Variants in SARS1 observed in about 807,000 individuals in gnomAD.
SARS1 encodes serine--tRNA ligase, cytoplasmic.
In SARS1, 25 loss-of-function variants were observed where a neutral mutation model predicts 63.7. That is an observed-to-expected ratio of 0.39 (90% CI 0.29 to 0.55). The LOEUF is 0.55. Ranked by LOEUF, SARS1 falls within the 20% of genes least tolerant of loss-of-function variation. The probability of loss-of-function intolerance (pLI) is 0.62; values close to 1 mark genes in which losing one functional copy is unlikely to be tolerated. For missense variants in SARS1, 417 were observed against 649.7 expected, an observed-to-expected ratio of 0.64 and a Z score of 3.89; for synonymous variants, 231 against 243.5, an observed-to-expected ratio of 0.95 and a Z score of 0.48.
intron 4 of SARS1, among the ~76,000 whole-genome samples, 183 bp from the exon 5 acceptor site, chr1:109,230,695 C>A (rs1241393890): frequency 6.6e-6 from 1 of 151,966 alleles, no homozygotes; most frequent in East Asian, 1.9e-4. Flanking sequence ...TCTGTAGTCC[C>A]AGCTGAGGCT....
chr1:109,226,713 CACACACACACACACAT>C (rs1557716974), intron 2 of SARS1, among the ~76,000 whole-genome samples: 1 of 50,888 alleles, frequency 2.0e-5, no homozygotes, highest in African/African-American at 5.5e-5. Flanking sequence ...CACACACACA[CACACACACACACACAT>C]ATATATATAT....
In SARS1 at chr1:109,214,932, C is replaced by T; in HGVS notation, c.136+804C>T. On this transcript the variant is annotated intron_variant, in intron 1 of 10. Transcript: ENST00000234677. The surrounding 1 kb of genome is among the most constrained non-coding windows in gnomAD (Gnocchi z 4.6). ...AGAACCATCTGCCCATAAATCTCTGCCTGTATTAACTGGAGTGGTCGCTGG... is the reference window on the plus strand; with the variant it reads ...AGAACCATCTGCCCATAAATCTCTGTCTGTATTAACTGGAGTGGTCGCTGG... The T allele has an allele frequency of 2.0e-6, 2 of 985,374 alleles. No individual in the cohort carries two copies. The highest frequency in any genetic ancestry group is 1.1e-4 in the East Asian group (1 of 8,818). The allele number at this position is 985,374 out of a possible 1,614,324, so 61.0% of individuals were successfully genotyped here.
intron 1 of SARS1, chr1:109,215,699 CTTTGT>C (rs761867538): frequency 3.5e-5 from 33 of 936,488 alleles, no homozygotes; most frequent in Middle Eastern, 5.5e-4. Flanking sequence ...CATTTCTTTT[CTTTGT>C]TTTGTTTTGT....
At position 109,237,992 on chromosome 1, in the gene SARS1, C is replaced by T. The variant is rs753387517; in HGVS notation, c.*104C>T. ...AAGCACCCATTCATCCCCCTGCCCC[C>T]ATCTGACTGCGTAGCTGAGAGGGGA... On this transcript the variant is annotated 3_prime_UTR_variant, in exon 11 of 11. Transcript: ENST00000234677. This position sits in a 1 kb window ranked among gnomAD's most constrained non-coding sequence, Gnocchi z 4.1. 5 of 1,286,792 alleles carry T rather than the reference C, an allele frequency of 3.9e-6. No individual in the cohort carries two copies. The highest frequency in any genetic ancestry group is 5.4e-6 in the Non-Finnish European group (5 of 920,694). The allele number at this position is 1,286,792 out of a possible 1,614,324, so 79.7% of individuals were successfully genotyped here. A position where few individuals can be genotyped will look rare whatever the true frequency, so the allele number is the denominator to read the frequency against.
At chr1:109,230,672 T>G (rs1019895092) in intron 4 of SARS1, among the ~76,000 whole-genome samples, 1 of 152,048 alleles carries the variant, frequency 6.6e-6, no homozygotes, top group African/African-American at 2.4e-5. Flanking sequence ...CCGAGCATAG[T>G]GTTGCACACC....
At position 109,224,003 on chromosome 1, in the gene SARS1, C is replaced by G. The variant is rs763283025; in HGVS notation, c.162C>G (p.Asn54Lys). The change falls in exon 2 of 11, where the codon AAC becomes AAG. Residue 54 changes from asparagine to lysine, a missense_variant. Coordinates refer to ENST00000234677, the MANE Select transcript of SARS1 (RefSeq NM_006513.4). ...GTAGATTTCGGGCAGACAACTTGAA[C>G]AAGCTGAAGAACCTATGCAGCAAGA... ...RRCRFRADNL[N>K]KLKNLCSKTI... The G allele has an allele frequency of 1.9e-6, 3 of 1,613,546 alleles. No homozygotes were observed. The highest frequency in any genetic ancestry group is 2.2e-5 in the East Asian group (1 of 44,854).
chr1:109,233,723 G>A (rs1469842541), intron 6 of SARS1, among the ~76,000 whole-genome samples: 2 of 151,522 alleles, frequency 1.3e-5, no homozygotes, highest in East Asian at 1.9e-4. Flanking sequence ...TTGAGACAGA[G>A]TCTCACTCTG....
chr1:109,232,853 G>C (rs931554177), intron 6 of SARS1, among the ~76,000 whole-genome samples: 1 of 152,184 alleles, frequency 6.6e-6, no homozygotes, highest in African/African-American at 2.4e-5. Flanking sequence ...AACCTATGTG[G>C]AGTATTATGG....
intron 1 of SARS1, among the ~76,000 whole-genome samples, chr1:109,219,263 ATATATATATATATATATATATATATAGTG>A (rs1472320694): frequency 1.1e-3 from 6 of 5,526 alleles, no homozygotes; most frequent in African/African-American, 5.0e-3. Context: ...AAGACTCTCC[ATATATATATATATATATATATATATAGTG>A]TACATATACA....
chr1:109,229,615 C>A, intron 4 of SARS1, 43 bp downstream of exon 4: 3 of 1,591,300 alleles, frequency 1.9e-6, no homozygotes, highest in South Asian at 2.2e-5. Context: ...TAGGTCGCTG[C>A]TGTCTCTGCA....
rs1425074490 is a variant in SARS1 at position 109,214,263 on chromosome 1, C to A, written c.136+135C>A. 3 of 1,081,634 alleles carry A rather than the reference C, an allele frequency of 2.8e-6. No individual in the cohort carries two copies. Among genetic ancestry groups the A allele is most frequent in the Admixed American group, 3.0e-5 (1 of 33,410 alleles). 67.0% of individuals were successfully genotyped at this position (1,081,634 alleles called of 1,614,324 possible). On this transcript the variant is annotated intron_variant, in intron 1 of 10. Transcript: ENST00000234677. The surrounding 1 kb of genome is among the most constrained non-coding windows in gnomAD (Gnocchi z 4.6). ...CCCAGGGTGCGGTGGCTCCGAGGTTCTCCCCATCCCCGAAAACACAGCCTG... is the reference window on the plus strand; with the variant it reads ...CCCAGGGTGCGGTGGCTCCGAGGTTATCCCCATCCCCGAAAACACAGCCTG...
chr1:109,218,986 G>C (rs1654857585), intron 1 of SARS1, among the ~76,000 whole-genome samples: 1 of 151,742 alleles, frequency 6.6e-6, no homozygotes, highest in African/African-American at 2.4e-5. Flanking sequence ...AGACATTTAG[G>C]CCGGGCGTGG....
At position 109,235,304 on chromosome 1, in the gene SARS1, G is replaced by A. The variant is rs773453298; in HGVS notation, c.842G>A (p.Arg281Gln). 16 of 1,613,918 alleles carry A rather than the reference G, an allele frequency of 9.9e-6. No individual in the cohort carries two copies. The highest frequency in any genetic ancestry group is 8.9e-5 in the East Asian group (4 of 44,894). The change falls in exon 7 of 11, where the codon CGG becomes CAG. Residue 281 changes from arginine (R) to glutamine (Q), a missense_variant. Around this residue, in one of 3 missense-constraint regions of SARS1, gnomAD observed 359 missense variants for 529.6 expected, o/e 0.68. Coordinates refer to ENST00000234677, the MANE Select transcript of SARS1 (RefSeq NM_006513.4). The surrounding 1 kb of genome is among the most constrained non-coding windows in gnomAD (Gnocchi z 4.7). The part of the protein sequence containing the change: ...TSEQPIAALH[R>Q]DEWLRPEDLP... Reference sequence around the variant, plus strand: ...GAGCAGCCCATTGCTGCCCTGCACCGGGATGAGTGGCTCCGGCCGGAGGAC... The same window carrying A: ...GAGCAGCCCATTGCTGCCCTGCACCAGGATGAGTGGCTCCGGCCGGAGGAC...
intron 9 of SARS1, chr1:109,236,959 G>A: frequency 6.7e-7 from 1 of 1,493,364 alleles, no homozygotes; most frequent in Admixed American, 2.7e-5. Flanking sequence ...AAAAGGAAAG[G>A]CCACAATAGT....
chr1:109,223,304 C>T (rs1435914960), intron 1 of SARS1, among the ~76,000 whole-genome samples: 3 of 152,210 alleles, frequency 2.0e-5, no homozygotes, highest in African/African-American at 7.2e-5. Context: ...TCTATAGATT[C>T]CTGTGCATAG....
Position 109,230,871 on chromosome 1 carries a change from T to G in SARS1, c.448-7T>G. 6.3e-7 allele frequency: 1 copy of G among 1,598,544 alleles called. No homozygotes were observed. ...TTGTATGTCTCTTTCTTGCTCTGTT[T>G]CCTTAGGATGTGGACAACAAAGTAG... is the stretch of plus-strand genomic sequence containing the variant. On this transcript the variant is annotated splice_region_variant and splice_polypyrimidine_tract_variant and intron_variant, in intron 4 of 10. Transcript: ENST00000234677.
chr1:109,227,973 C>T lies in SARS1; in HGVS notation c.208-379C>T, dbSNP rs115103401. ...AGGTGTGTCTGCTCCAGGGCTTGCT[C>T]CTGAGCACTGCACTACCTCTCCAGC... On this transcript the variant is annotated intron_variant, in intron 2 of 10. Transcript: ENST00000234677. 8.5e-3 allele frequency among the ~76,000 whole-genome samples: 1,289 copies of T among 151,536 alleles called. 9 individuals are homozygous for T. Among genetic ancestry groups the T allele is most frequent in the Middle Eastern group, 0.021 (6 of 288 alleles).
intron 1 of SARS1, chr1:109,216,462 G>C (rs75616752): frequency 1.1e-5 from 11 of 985,094 alleles, no homozygotes; most frequent in Non-Finnish European, 1.2e-5. Flanking sequence ...TCAGAGTAGC[G>C]TAATGATCCT....
At position 109,223,966 on chromosome 1, in the gene SARS1, C is replaced by G; in HGVS notation, c.137-12C>G. The G allele has an allele frequency of 6.2e-7, 1 of 1,600,362 alleles. No homozygotes were observed. The highest frequency in any genetic ancestry group is 8.6e-7 in the Non-Finnish European group (1 of 1,167,624). The stretch of plus-strand genomic sequence containing the variant: ...CATTTCTTTGGTATAGTCTTGGATT[C>G]TTTATTCCTAGGTAGATTTCGGGCA... On this transcript the variant is annotated splice_polypyrimidine_tract_variant and intron_variant, in intron 1 of 10. Transcript: ENST00000234677.
Sources: gnomAD v4.1 joint callset for allele counts (sites outside exome capture counted in the v4.1 genomes callset) on GRCh38, gnomAD v4.1.1 for gene constraint, gnomAD v4.1.1 regional missense constraint, Gnocchi (gnomAD v3.1) non-coding constraint, MANE v1.5 for transcripts, NCBI Gene and HGNC (gene_info 2026-07-23, HGNC 2026-07-21) for gene names.